ABCA13: variants seen among roughly 807,000 people sequenced by gnomAD.
The protein encoded by ABCA13 is ATP binding cassette subfamily A member 13, also known as ATP-binding cassette sub-family A member 13.
A neutral mutation model predicts 478.7 loss-of-function variants in ABCA13; 476 were observed. The ratio of observed to expected loss-of-function variants is 0.99; its 90% CI spans 0.92 to 1.07. ABCA13 has a LOEUF of 1.07. ABCA13 is among the 50% of genes least tolerant of loss of function. The pLI is 0.00. For synonymous variants in ABCA13, 2,252 were observed against 2,158.9 expected, an observed-to-expected ratio of 1.04 and a Z score of -1.20; for missense variants, 6,060 against 5,910.6, an observed-to-expected ratio of 1.03 and a Z score of -0.83.
chr7:48,186,430 G>A (rs1796359076), intron 1 of ABCA13, among the ~76,000 whole-genome samples: 1 of 152,034 alleles, frequency 6.6e-6, no homozygotes, highest in South Asian at 2.1e-4. Flanking sequence ...TTGAGGTGAT[G>A]TGTCCTTATT....
intron 46 of ABCA13, among the ~76,000 whole-genome samples, chr7:48,482,836 G>T (rs1317802537): frequency 6.6e-6 from 1 of 152,162 alleles, no homozygotes; most frequent in Non-Finnish European, 1.5e-5. Flanking sequence ...TTCTAATGTG[G>T]CCAGCCTTAT....
At chr7:48,174,375 A>C (rs1188599411) in intron 1 of ABCA13, among the ~76,000 whole-genome samples, 1 of 152,170 alleles carries the variant, frequency 6.6e-6, no homozygotes, top group Non-Finnish European at 1.5e-5. Flanking sequence ...AATTTGTATC[A>C]TTCATAAAGA....
At chr7:48,221,424 A>G in intron 5 of ABCA13, 115 bp downstream of exon 5, 1 of 544,416 alleles carries the variant, frequency 1.8e-6, no homozygotes, top group Non-Finnish European at 3.0e-6. Context: ...TTGTATAACA[A>G]TTGTATAGAA....
intron 31 of ABCA13, among the ~76,000 whole-genome samples, chr7:48,360,701 A>G (rs1248776579): frequency 6.6e-6 from 1 of 151,982 alleles, no homozygotes; most frequent in African/African-American, 2.4e-5. Context: ...ATGTTTTACA[A>G]ACTAGAAATC....
At chr7:48,229,786 T>C (rs754992472) in intron 6 of ABCA13, 39 bp from the exon 7 acceptor site, 1 of 1,612,264 alleles carries the variant, frequency 6.2e-7, no homozygotes, top group Non-Finnish European at 8.5e-7. Flanking sequence ...TTTTGCTAAC[T>C]ACCCACTCAT....
intron 23 of ABCA13, among the ~76,000 whole-genome samples, chr7:48,305,815 G>A (rs529740140): frequency 3.9e-5 from 6 of 152,146 alleles, no homozygotes; most frequent in Admixed American, 2.6e-4. Context: ...AGCCAGGCTC[G>A]CAGGGCAGAG....
Position 48,427,801 on chromosome 7 carries a change from A to T in ABCA13, c.12495A>T (p.Lys4165Asn). ...TGCTTTTGCAAGATTCCAACAAGAA[A>T]TCTCACATTGCCCTGGGGACTGAGT... is the stretch of plus-strand genomic sequence containing the variant. ...FLMLLQDSNK[K>N]SHIALGTESE... The change falls in exon 42 of 62, where the codon AAA becomes AAT. Residue 4165 changes from lysine (K) to asparagine (N), a missense_variant. Lys to Asn is a moderately conservative substitution (Grantham distance 94). Around this residue, in one of 3 missense-constraint regions of ABCA13, gnomAD observed 1,627 missense variants for 1,571.0 expected, o/e 1.04. Coordinates refer to ENST00000435803, the MANE Select transcript of ABCA13 (RefSeq NM_152701.5). The T allele has an allele frequency of 6.2e-7, 1 of 1,613,824 alleles. No individual in the cohort carries two copies.
intron 16 of ABCA13, among the ~76,000 whole-genome samples, chr7:48,270,524 T>C (rs907851412): frequency 5.9e-5 from 9 of 152,226 alleles, no homozygotes; most frequent in Non-Finnish European, 8.8e-5. Flanking sequence ...GTTAGGCATC[T>C]ATTCTTAGGG....
intron 41 of ABCA13, among the ~76,000 whole-genome samples, chr7:48,416,248 A>G (rs569559831): frequency 6.6e-6 from 1 of 152,332 alleles, no homozygotes; most frequent in South Asian, 2.1e-4. Flanking sequence ...AACTTGAAGA[A>G]CTGTCACTGT....
At chr7:48,525,291 C>G (rs1832811706) in intron 54 of ABCA13, among the ~76,000 whole-genome samples, 1 of 151,946 alleles carries the variant, frequency 6.6e-6, no homozygotes, top group Non-Finnish European at 1.5e-5. Context: ...CTAAGACTGG[C>G]TATGCAATCT....
chr7:48,181,528 A>G (rs1260666829), intron 1 of ABCA13, among the ~76,000 whole-genome samples: 1 of 150,242 alleles, frequency 6.7e-6, no homozygotes, highest in African/African-American at 2.4e-5. Context: ...TTACACTTTC[A>G]TTTACTTGTG....
At chr7:48,618,791 T>C (rs757206944) in intron 59 of ABCA13, among the ~76,000 whole-genome samples, 2 of 152,078 alleles carry the variant, frequency 1.3e-5, no homozygotes, top group African/African-American at 4.8e-5. Context: ...TGAGAGCCCC[T>C]TAGAGGAGGT....
chr7:48,459,563 C>T (rs1196220587), intron 43 of ABCA13, among the ~76,000 whole-genome samples: 2 of 152,184 alleles, frequency 1.3e-5, no homozygotes, highest in East Asian at 3.9e-4. Flanking sequence ...CTTGCTCTCT[C>T]ATCTGAATGT....
Position 48,563,832 on chromosome 7 carries a change from G to GTT in ABCA13, c.14355-16391_14355-16390insTT, listed in dbSNP as rs1554569021. ...TGTGTGTGTGTGTGTGTGTGTGTGT[G>GTT]TGTGTGTTTTGCATGGCCTCATCTT... On this transcript the variant is annotated intron_variant, in intron 55 of 61. Coordinates refer to ENST00000435803, the MANE Select transcript of ABCA13 (RefSeq NM_152701.5). Among the ~76,000 whole-genome samples, 83 of 76,818 alleles carry GTT rather than the reference G, an allele frequency of 1.1e-3. 1 individual carries two copies. Among genetic ancestry groups the GTT allele is most frequent in the African/African-American group, 5.8e-3 (81 of 14,010 alleles). 50.4% of individuals were successfully genotyped at this position (76,818 alleles called of 152,430 possible).
At chr7:48,427,526 C>G (rs1184846699) in intron 41 of ABCA13, among the ~76,000 whole-genome samples, 1 of 152,168 alleles carries the variant, frequency 6.6e-6, no homozygotes, top group Non-Finnish European at 1.5e-5. Flanking sequence ...TCCACTAGCC[C>G]GTGAGGGTCT....
chr7:48,312,169 G>A (rs2128884665), intron 24 of ABCA13, among the ~76,000 whole-genome samples: 1 of 152,296 alleles, frequency 6.6e-6, no homozygotes, highest in South Asian at 2.1e-4. Context: ...AGAGCTAACA[G>A]CTAAAACACT....
rs749202692 is a variant in ABCA13, at chr7:48,376,508, G to C, written c.11271G>C (p.Trp3757Cys). Residue 3757 changes from tryptophan to cysteine, a missense_variant, in exon 35 of 62, where the codon TGG becomes TGC. This residue lies in a region of ABCA13 where 10 missense variants were observed against 30.5 expected (regional missense o/e 0.33). Transcript: ENST00000435803. ...GCATGACATTTGGCTGGGTTTGCTG[G>C]ATGATTCTTTTTGATTCAAGCCTTT... ...QGGMTFGWVC[W>C]MILFDSSLYF... 2 of 1,613,908 alleles carry C rather than the reference G, an allele frequency of 1.2e-6. No homozygotes were observed. Among genetic ancestry groups the C allele is most frequent in the East Asian group, 2.2e-5 (1 of 44,844 alleles).
intron 42 of ABCA13, among the ~76,000 whole-genome samples, chr7:48,451,199 T>C (rs1037317433): frequency 1.3e-5 from 2 of 152,126 alleles, no homozygotes; most frequent in African/African-American, 2.4e-5. Flanking sequence ...GGTTTCACCA[T>C]GTTGGACACG....
At chr7:48,571,650 C>A (rs1452028160) in intron 55 of ABCA13, among the ~76,000 whole-genome samples, 1 of 152,042 alleles carries the variant, frequency 6.6e-6, no homozygotes, top group African/African-American at 2.4e-5. Flanking sequence ...TGTCTGAAGT[C>A]TTTGACAGTT....
Sources: gnomAD v4.1 joint callset for allele counts (sites outside exome capture counted in the v4.1 genomes callset) on GRCh38, gnomAD v4.1.1 for gene constraint, gnomAD v4.1.1 regional missense constraint, MANE v1.5 for transcripts, NCBI Gene and HGNC (gene_info 2026-07-23, HGNC 2026-07-21) for gene names.